The following VPS54 variants were observed in gnomAD, a reference collection of about 807,000 sequenced individuals.
The protein encoded by VPS54 is vacuolar protein sorting-associated protein 54.
In VPS54, 45 loss-of-function variants were observed where a neutral mutation model predicts 121.5. The ratio of observed to expected loss-of-function variants is 0.37; its 90% confidence interval spans 0.29 to 0.47. The LOEUF (loss-of-function observed/expected upper bound fraction) is 0.47, where lower values mean the gene tolerates loss of function less well. VPS54 is among the 20% of genes least tolerant of loss of function. The probability of loss-of-function intolerance (pLI) is 0.99; values close to 1 mark genes in which losing one functional copy is unlikely to be tolerated. For missense variants in VPS54, 1,090 were observed against 1,131.4 expected (o/e 0.96, Z 0.52); for synonymous variants, 371 against 385.8 (o/e 0.96, Z 0.45).
At chr2:63,912,291 A>C in intron 20 of VPS54, 54 bp downstream of exon 20, 1 of 1,412,708 alleles carries the variant, frequency 7.1e-7, no homozygotes, top group Non-Finnish European at 9.7e-7. Flanking sequence ...TCCTTATAAA[A>C]TAGAAAATCA....
At chr2:63,997,974 C>T (rs936164840) in intron 1 of VPS54, among the ~76,000 whole-genome samples, 4 of 151,952 alleles carry the variant, frequency 2.6e-5, no homozygotes, top group Non-Finnish European at 2.9e-5. Context: ...ATGTAATTTC[C>T]ATGTGTTTGT....
At chr2:63,954,477 C>A (rs982662965) in intron 7 of VPS54, among the ~76,000 whole-genome samples, 4 of 152,032 alleles carry the variant, frequency 2.6e-5, no homozygotes, top group African/African-American at 9.7e-5. Context: ...CCTGTCTAAT[C>A]TTGTAAGAAT....
chr2:63,991,910 G>A lies in VPS54; in HGVS notation c.-20-7891C>T, dbSNP rs189858456. Among the ~76,000 whole-genome samples, 90 of 152,272 alleles carry A rather than the reference G, an allele frequency of 5.9e-4. No individual in the cohort carries two copies. In the East Asian group the frequency reaches 0.011, roughly 18 times the overall value. ...CCACCTCCACGTTAGGGGTTGGGGC[G>A]GTCGATCTCTGTAGCACTATTCCTC... On this transcript the variant is annotated intron_variant, in intron 1 of 22. Coordinates refer to ENST00000272322, the MANE Select transcript of VPS54 (RefSeq NM_016516.3).
chr2:63,992,350 C>T (rs1464086656), intron 1 of VPS54, among the ~76,000 whole-genome samples: 22 of 152,206 alleles, frequency 1.4e-4, no homozygotes, highest in Admixed American at 1.4e-3. Context: ...CCACCTAACT[C>T]TTATAGTACT....
intron 4 of VPS54, among the ~76,000 whole-genome samples, chr2:63,971,251 G>A (rs1178015769): frequency 6.6e-6 from 1 of 152,156 alleles, no homozygotes; most frequent in Non-Finnish European, 1.5e-5. Flanking sequence ...TATTACTGCA[G>A]TAGCCTCCAA....
chr2:63,931,595 G>A (rs1156812154), intron 12 of VPS54, among the ~76,000 whole-genome samples: 1 of 152,160 alleles, frequency 6.6e-6, no homozygotes, highest in Non-Finnish European at 1.5e-5. Context: ...ATAGGCATGG[G>A]CAAAGACTTC....
At chr2:64,009,554 G>C (rs1678330566) in intron 1 of VPS54, among the ~76,000 whole-genome samples, 1 of 152,142 alleles carries the variant, frequency 6.6e-6, no homozygotes, top group Non-Finnish European at 1.5e-5. Context: ...GACCTCAGGT[G>C]ATCCGCCTGC....
chr2:63,934,227 A>G (rs1275420451), intron 11 of VPS54, among the ~76,000 whole-genome samples: 2 of 152,224 alleles, frequency 1.3e-5, no homozygotes, highest in African/African-American at 4.8e-5. Flanking sequence ...GCTTAGAAAT[A>G]AACTTCCTAT....
chr2:63,952,495 A>G (rs780091612), intron 7 of VPS54, among the ~76,000 whole-genome samples: 4 of 152,176 alleles, frequency 2.6e-5, no homozygotes, highest in Non-Finnish European at 5.9e-5. Flanking sequence ...ACTGGCAACT[A>G]TATTTACTAA....
At position 63,912,626 on chromosome 2, in the gene VPS54, A is replaced by G. The variant is rs1673199875; in HGVS notation, c.2458T>C (p.Tyr820His). 2 of 1,589,400 alleles carry G rather than the reference A, an allele frequency of 1.3e-6. No homozygotes were observed. Among genetic ancestry groups the G allele is most frequent in the Non-Finnish European group, 1.7e-6 (2 of 1,174,230 alleles). Residue 820 changes from tyrosine (Y) to histidine (H), a missense_variant, in exon 19 of 23, where the codon TAC becomes CAC. Physicochemically the swap from Tyr to His is moderately conservative, Grantham distance 83 (BLOSUM62 2). Transcript: ENST00000272322. The part of the protein sequence containing the change: ...SSRCLQLIVH[Y>H]IPVIRAHFEA... ...AAATGAGCCCGGATCACAGGAATGTAGTGCACAATTAACTGCAAACATCGT... is the reference window on the plus strand; with the variant it reads ...AAATGAGCCCGGATCACAGGAATGTGGTGCACAATTAACTGCAAACATCGT...
chr2:63,899,886 G>C (rs1352769042), intron 20 of VPS54, among the ~76,000 whole-genome samples: 1 of 152,066 alleles, frequency 6.6e-6, no homozygotes, highest in Admixed American at 6.6e-5. Flanking sequence ...AGGTGATGTT[G>C]GGCAAGTTAT....
intron 20 of VPS54, among the ~76,000 whole-genome samples, chr2:63,900,173 T>G (rs1461194815): frequency 7.9e-6 from 1 of 126,858 alleles, no homozygotes; most frequent in Non-Finnish European, 1.5e-5. Flanking sequence ...TGAGCCAAGA[T>G]CGCACCACTG....
intron 12 of VPS54, among the ~76,000 whole-genome samples, chr2:63,924,931 T>C (rs1409942611): frequency 6.6e-6 from 1 of 152,172 alleles, no homozygotes; most frequent in Non-Finnish European, 1.5e-5. Flanking sequence ...TTGTAGGTCT[T>C]AATGTGAAAA....
intron 16 of VPS54, 60 bp downstream of exon 16, chr2:63,916,840 A>G: frequency 6.6e-7 from 1 of 1,522,266 alleles, no homozygotes; most frequent in African/African-American, 1.4e-5. Flanking sequence ...TCAAGGGAGA[A>G]CTAGAAGACT....
At chr2:63,928,224 G>C (rs10199273) in intron 12 of VPS54, among the ~76,000 whole-genome samples, 50,442 of 152,106 alleles carry the variant, frequency 0.33, 9,842 homozygotes, top group Non-Finnish European at 0.44. Context: ...GATTCACCAA[G>C]GGTGAAATGA....
At chr2:63,916,879 A>G (rs753040035) in intron 16 of VPS54, 21 bp downstream of exon 16, 15 of 1,611,838 alleles carry the variant, frequency 9.3e-6, no homozygotes, top group Non-Finnish European at 1.3e-5. Flanking sequence ...CTCAACTACT[A>G]AAGAAAAATG....
chr2:63,966,780 A>G (rs1222163919), intron 5 of VPS54, among the ~76,000 whole-genome samples: 1 of 152,130 alleles, frequency 6.6e-6, no homozygotes, highest in African/African-American at 2.4e-5. Flanking sequence ...CACTCCCACT[A>G]TTTACCCATT....
intron 11 of VPS54, among the ~76,000 whole-genome samples, chr2:63,942,031 CAA>C (rs34766515): frequency 1.2e-4 from 9 of 77,076 alleles, no homozygotes; most frequent in Admixed American, 4.6e-4. Context: ...GACTCCACCT[CAA>C]AAAAAAAAAA....
At chr2:63,895,607 T>G (rs574853292) in intron 22 of VPS54, among the ~76,000 whole-genome samples, 17 of 152,344 alleles carry the variant, frequency 1.1e-4, no homozygotes, top group Admixed American at 9.1e-4. Flanking sequence ...GCCACTGAAT[T>G]GTTCACTTTA....
Sources: gnomAD v4.1 joint callset for allele counts (sites outside exome capture counted in the v4.1 genomes callset) on GRCh38, gnomAD v4.1.1 for gene constraint, MANE v1.5 for transcripts, NCBI Gene and HGNC (gene_info 2026-07-23, HGNC 2026-07-21) for gene names.